Variants in MPPED2 observed in about 807,000 individuals in gnomAD.
MPPED2 encodes metallophosphoesterase MPPED2.
A neutral mutation model predicts 33.0 loss-of-function variants in MPPED2; 5 were observed. The observed-to-expected ratio is 0.15, with a 90% CI of 0.08 to 0.32. MPPED2 has a LOEUF of 0.32. MPPED2 is among the 10% of genes least tolerant of loss of function. The pLI is 1.00. For synonymous variants in MPPED2, 136 were observed against 141.9 expected (o/e 0.96, Z 0.29); for missense variants, 275 against 372.1 (o/e 0.74, Z 2.15).
intron 3 of MPPED2, among the ~76,000 whole-genome samples, chr11:30,520,693 T>C (rs1459821030): frequency 6.6e-6 from 1 of 152,208 alleles, no homozygotes; most frequent in Non-Finnish European, 1.5e-5. Flanking sequence ...AAAACATACA[T>C]CATTTCTTAA....
intron 6 of MPPED2, among the ~76,000 whole-genome samples, chr11:30,395,484 G>A (rs1947828452): frequency 6.6e-6 from 1 of 152,024 alleles, no homozygotes; most frequent in South Asian, 2.1e-4. Context: ...TGGATTCTGG[G>A]GATATGGAGT....
intron 2 of MPPED2, among the ~76,000 whole-genome samples, chr11:30,562,464 G>T (rs771823756): frequency 2.6e-5 from 4 of 152,230 alleles, no homozygotes; most frequent in Admixed American, 1.3e-4. Context: ...CTTCTTTCAC[G>T]TTTGGGAGAA....
At chr11:30,453,383 C>T (rs546297445) in intron 4 of MPPED2, among the ~76,000 whole-genome samples, 1 of 152,266 alleles carries the variant, frequency 6.6e-6, no homozygotes, top group East Asian at 1.9e-4. Flanking sequence ...CAACACTGAT[C>T]TCTTTGAATT....
At chr11:30,536,286 G>T in intron 2 of MPPED2, 111 bp from the exon 3 acceptor site, 1 of 961,182 alleles carries the variant, frequency 1.0e-6, no homozygotes, top group South Asian at 3.0e-5. Flanking sequence ...ACAAACTGAC[G>T]CAAAGGCAGA....
At chr11:30,416,904 T>C (rs571021572) in intron 5 of MPPED2, among the ~76,000 whole-genome samples, 1 of 152,326 alleles carries the variant, frequency 6.6e-6, no homozygotes, top group East Asian at 1.9e-4. Context: ...ATAATGTGGC[T>C]CACTAGTGGG....
chr11:30,447,906 C>T (rs1949883327), intron 4 of MPPED2, among the ~76,000 whole-genome samples: 1 of 152,028 alleles, frequency 6.6e-6, no homozygotes, highest in Non-Finnish European at 1.5e-5. Flanking sequence ...GGAGCAGATC[C>T]CCTTAAGAAT....
intron 1 of MPPED2, 142 bp from the exon 2 acceptor site, chr11:30,580,636 C>T: frequency 1.3e-6 from 1 of 752,030 alleles, no homozygotes; most frequent in South Asian, 3.2e-5. Context: ...CAACTGTTCC[C>T]AACTCTCTTC....
intron 4 of MPPED2, among the ~76,000 whole-genome samples, chr11:30,492,816 C>T (rs536066920): frequency 9.8e-5 from 15 of 152,308 alleles, no homozygotes; most frequent in African/African-American, 3.6e-4. Context: ...TGGAATCAGA[C>T]TTGTCAGGTT....
At chr11:30,389,283 A>G (rs552453700) in intron 6 of MPPED2, among the ~76,000 whole-genome samples, 4 of 152,316 alleles carry the variant, frequency 2.6e-5, no homozygotes, top group East Asian at 3.9e-4. Context: ...GTACATTCCC[A>G]ACTACAAGAG....
intron 2 of MPPED2, among the ~76,000 whole-genome samples, chr11:30,544,118 A>C (rs1208625251): frequency 2.0e-5 from 3 of 152,144 alleles, no homozygotes; most frequent in Non-Finnish European, 4.4e-5. Flanking sequence ...ACTGCATGCA[A>C]TATGAATTCA....
chr11:30,398,968 T>A (rs1397054872), intron 6 of MPPED2, among the ~76,000 whole-genome samples: 3 of 152,236 alleles, frequency 2.0e-5, no homozygotes, highest in East Asian at 3.9e-4. Flanking sequence ...CGATCATACA[T>A]CTTATAAGGA....
chr11:30,523,621 C>CTTTT (rs755853042), intron 3 of MPPED2, among the ~76,000 whole-genome samples: 39 of 104,586 alleles, frequency 3.7e-4, no homozygotes, highest in African/African-American at 9.2e-4. Context: ...AGCAACACAT[C>CTTTT]TTTTTTTTTT....
At chr11:30,434,309 G>A (rs895966783) in intron 4 of MPPED2, among the ~76,000 whole-genome samples, 1 of 151,768 alleles carries the variant, frequency 6.6e-6, no homozygotes, top group African/African-American at 2.4e-5. Context: ...CGCAGGGGAA[G>A]GGGGAAGAGA....
intron 3 of MPPED2, among the ~76,000 whole-genome samples, chr11:30,504,011 G>C (rs73457712): frequency 0.031 from 4,661 of 152,206 alleles, 240 homozygotes; most frequent in African/African-American, 0.11. Context: ...TGTTATCACA[G>C]GACTGTTTCT....
chr11:30,414,872 C>T (rs915840189), intron 5 of MPPED2, among the ~76,000 whole-genome samples: 2 of 152,186 alleles, frequency 1.3e-5, no homozygotes, highest in African/African-American at 4.8e-5. Flanking sequence ...CTCCTGTGGT[C>T]CTGTCCTCTC....
At chr11:30,392,681 G>T (rs1359848005) in intron 6 of MPPED2, among the ~76,000 whole-genome samples, 1 of 152,198 alleles carries the variant, frequency 6.6e-6, no homozygotes, top group East Asian at 1.9e-4. Context: ...AAAGGGGACG[G>T]GTTCCCTTGG....
At chr11:30,575,585 C>T (rs916001652) in intron 2 of MPPED2, among the ~76,000 whole-genome samples, 5 of 152,196 alleles carry the variant, frequency 3.3e-5, no homozygotes, top group African/African-American at 1.2e-4. Flanking sequence ...CCAAGCTGTG[C>T]CTTTTGCACT....
chr11:30,559,593 TA>T (rs1565184117), intron 2 of MPPED2, among the ~76,000 whole-genome samples: 1 of 152,202 alleles, frequency 6.6e-6, no homozygotes, highest in Admixed American at 6.5e-5. Flanking sequence ...TACATTCTTT[TA>T]AATAATATGG....
chr11:30,445,463 T>C lies in MPPED2; in HGVS notation c.537-27830A>G, dbSNP rs75414779. On this transcript the variant is annotated intron_variant, in intron 4 of 6. Coordinates refer to ENST00000358117, the MANE Select transcript of MPPED2 (RefSeq NM_001584.3). ...ACCTTTTTTCTTAATTATGGTAAAA[T>C]ATGCATAACAAATAATTTATCATTT... is the stretch of plus-strand genomic sequence containing the variant. 7.4e-3 allele frequency among the ~76,000 whole-genome samples: 1,122 copies of C among 152,324 alleles called. 23 individuals are homozygous for C. Among genetic ancestry groups the C allele is most frequent in the African/African-American group, 0.026 (1,066 of 41,582 alleles).
Sources: gnomAD v4.1 joint callset for allele counts (sites outside exome capture counted in the v4.1 genomes callset) on GRCh38, gnomAD v4.1.1 for gene constraint, MANE v1.5 for transcripts, NCBI Gene and HGNC (gene_info 2026-07-23, HGNC 2026-07-21) for gene names.